The following MRTFA variants were observed in gnomAD, a reference collection of about 807,000 sequenced individuals.
The protein encoded by MRTFA is myocardin related transcription factor A.
MRTFA carries 20 observed loss-of-function variants against 83.5 expected under a neutral mutation model. That is an observed-to-expected ratio of 0.24 (90% CI 0.17 to 0.35). MRTFA has a LOEUF of 0.35. MRTFA is among the 10% of genes least tolerant of loss of function. The probability of loss-of-function intolerance (pLI) is 1.00; values close to 1 mark genes in which losing one functional copy is unlikely to be tolerated. For synonymous variants in MRTFA, 659 were observed against 541.2 expected (o/e 1.22, Z -3.02); for missense variants, 1,200 against 1,224.7 (o/e 0.98, Z 0.30).
intron 1 of MRTFA, among the ~76,000 whole-genome samples, chr22:40,621,830 C>G (rs972899221): frequency 7.2e-5 from 11 of 152,156 alleles, no homozygotes; most frequent in Non-Finnish European, 1.2e-4. Flanking sequence ...ACCAGTAACC[C>G]ATTTATTCCT....
chr22:40,626,626 G>A (rs1889419474), intron 1 of MRTFA, among the ~76,000 whole-genome samples: 1 of 151,990 alleles, frequency 6.6e-6, no homozygotes, highest in South Asian at 2.1e-4. Flanking sequence ...ACATTTTAAA[G>A]GAAAGACAAT....
At chr22:40,512,594 T>C (rs2054686023) in intron 3 of MRTFA, among the ~76,000 whole-genome samples, 1 of 152,226 alleles carries the variant, frequency 6.6e-6, no homozygotes, top group African/African-American at 2.4e-5. Flanking sequence ...TTTCGAAAGA[T>C]GATTATTTCT....
chr22:40,478,269 T>G (rs1256519250), intron 3 of MRTFA, among the ~76,000 whole-genome samples: 1 of 152,098 alleles, frequency 6.6e-6, no homozygotes, highest in Admixed American at 6.6e-5. Flanking sequence ...AAAAACGACA[T>G]TAGTGGGAAA....
chr22:40,516,933 C>G (rs541348017), intron 3 of MRTFA, among the ~76,000 whole-genome samples: 1 of 150,354 alleles, frequency 6.7e-6, no homozygotes, highest in Admixed American at 6.6e-5. Flanking sequence ...TTTTTTTTTC[C>G]TTTTTTTGAG....
chr22:40,548,481 G>A (rs936447981), intron 3 of MRTFA, among the ~76,000 whole-genome samples: 27 of 151,862 alleles, frequency 1.8e-4, no homozygotes, highest in African/African-American at 6.5e-4. Context: ...CCAAATGGAG[G>A]ACACAGACGT....
At chr22:40,514,520 G>A (rs1308896981) in intron 3 of MRTFA, among the ~76,000 whole-genome samples, 1 of 149,950 alleles carries the variant, frequency 6.7e-6, no homozygotes, top group Non-Finnish European at 1.5e-5. Flanking sequence ...TGTCGCCCAG[G>A]CTGGAGTGCG....
intron 3 of MRTFA, among the ~76,000 whole-genome samples, chr22:40,496,088 A>G (rs1270203525): frequency 6.6e-6 from 1 of 151,408 alleles, no homozygotes; most frequent in East Asian, 1.9e-4. Flanking sequence ...ATAAATTAAT[A>G]ATAATAATAA....
At chr22:40,447,334 CAG>C (rs1245663013) in intron 4 of MRTFA, among the ~76,000 whole-genome samples, 2 of 146,006 alleles carry the variant, frequency 1.4e-5, no homozygotes, top group East Asian at 4.0e-4. Flanking sequence ...GCCTAAGTAA[CAG>C]AGTCTTTGTT....
intron 3 of MRTFA, among the ~76,000 whole-genome samples, chr22:40,479,456 C>T (rs1206292646): frequency 2.6e-5 from 4 of 152,164 alleles, no homozygotes; most frequent in Non-Finnish European, 4.4e-5. Flanking sequence ...CTCTTTCTCA[C>T]GAGAGAGAGC....
chr22:40,484,110 GACAA>G (rs2054136967), intron 3 of MRTFA, among the ~76,000 whole-genome samples: 1 of 151,188 alleles, frequency 6.6e-6, no homozygotes, highest in African/African-American at 2.4e-5. Flanking sequence ...TAATTAGATA[GACAA>G]ACAATCTGAA....
intron 1 of MRTFA, among the ~76,000 whole-genome samples, chr22:40,605,909 G>C (rs1221558915): frequency 6.6e-6 from 1 of 152,178 alleles, no homozygotes; most frequent in African/African-American, 2.4e-5. Flanking sequence ...AATTGCTAAA[G>C]TCAGATTAAT....
chr22:40,528,710 C>T (rs1030264650), intron 3 of MRTFA, among the ~76,000 whole-genome samples: 5 of 142,162 alleles, frequency 3.5e-5, no homozygotes, highest in African/African-American at 1.3e-4. Context: ...GCACTCCAGA[C>T]TGGGCAATAA....
chr22:40,474,545 A>C (rs2053962465), intron 3 of MRTFA, among the ~76,000 whole-genome samples: 1 of 152,196 alleles, frequency 6.6e-6, no homozygotes, highest in South Asian at 2.1e-4. Flanking sequence ...CAGCACATAT[A>C]CTTACCTCAC....
At chr22:40,472,537 T>G (rs1422910115) in intron 3 of MRTFA, among the ~76,000 whole-genome samples, 4 of 152,234 alleles carry the variant, frequency 2.6e-5, no homozygotes, top group Non-Finnish European at 4.4e-5. Context: ...ATTTTTAATA[T>G]TTTTTCACAT....
At chr22:40,553,883 C>G (rs1162378570) in intron 2 of MRTFA, among the ~76,000 whole-genome samples, 3 of 152,170 alleles carry the variant, frequency 2.0e-5, no homozygotes, top group Non-Finnish European at 4.4e-5. Context: ...GAAGCCGTAC[C>G]CTCCAAAGCC....
chr22:40,474,660 T>C (rs1490871736), intron 3 of MRTFA, among the ~76,000 whole-genome samples: 1 of 152,062 alleles, frequency 6.6e-6, no homozygotes, highest in East Asian at 1.9e-4. Flanking sequence ...TACTCTCTGT[T>C]TGTTGCTGGG....
intron 3 of MRTFA, among the ~76,000 whole-genome samples, chr22:40,504,317 T>C (rs1483741720): frequency 6.6e-6 from 1 of 152,180 alleles, no homozygotes; most frequent in East Asian, 1.9e-4. Flanking sequence ...AGTTCAAGGC[T>C]GTACTAAGCT....
At chr22:40,572,969 C>T (rs1463485921) in intron 2 of MRTFA, among the ~76,000 whole-genome samples, 2 of 152,166 alleles carry the variant, frequency 1.3e-5, no homozygotes, top group African/African-American at 2.4e-5. Flanking sequence ...TTTGCTATAA[C>T]ATGGATGAGC....
At chr22:40,432,529 G>C (rs2053088412) in intron 5 of MRTFA, among the ~76,000 whole-genome samples, 1 of 152,030 alleles carries the variant, frequency 6.6e-6, no homozygotes. Context: ...ACTCTATAGA[G>C]TCTGTGCTCT....
Sources: allele counts gnomAD v4.1 joint callset (sites outside exome capture counted in the v4.1 genomes callset), GRCh38; gene constraint gnomAD v4.1.1; transcripts MANE v1.5; gene names NCBI Gene and HGNC (gene_info 2026-07-23, HGNC 2026-07-21).